LPP: variants seen among roughly 807,000 people sequenced by gnomAD.
LPP encodes LIM domain containing preferred translocation partner in lipoma.
LPP carries 38 observed loss-of-function variants against 60.4 expected under a neutral mutation model. The observed-to-expected ratio is 0.63, with a 90% CI of 0.49 to 0.83. LPP has a LOEUF of 0.83. Ranked by LOEUF, LPP falls within the 40% of genes least tolerant of loss-of-function variation. The pLI, the probability that LPP is intolerant of heterozygous loss-of-function variation, is 0.00. For missense variants in LPP, 902 were observed against 783.6 expected, an observed-to-expected ratio of 1.15 and a Z score of -1.80; for synonymous variants, 328 against 290.8, an observed-to-expected ratio of 1.13 and a Z score of -1.30.
chr3:188,250,832 CTTTCT>C (rs1203608819), intron 2 of LPP, among the ~76,000 whole-genome samples: 1 of 138,606 alleles, frequency 7.2e-6, no homozygotes, highest in African/African-American at 2.7e-5. Context: ...CTTTTTCTTT[CTTTCT>C]TTTCTTTTTC....
intron 2 of LPP, among the ~76,000 whole-genome samples, chr3:188,300,405 G>C (rs1010034969): frequency 1.3e-4 from 19 of 149,022 alleles, no homozygotes. Flanking sequence ...AGGGTTAGCT[G>C]CTTACCAAGA....
In LPP at chr3:188,422,804, G is replaced by C. The variant is rs552657129; in HGVS notation, c.193+16491G>C. Among the ~76,000 whole-genome samples, 3 of 152,094 alleles carry C rather than the reference G, an allele frequency of 2.0e-5. No homozygotes were observed. The East Asian group carries it at 5.8e-4, about 29-fold the overall frequency. On this transcript the variant is annotated intron_variant, in intron 4 of 11. Coordinates refer to ENST00000617246, the MANE Select transcript of LPP (RefSeq NM_001375462.1). ...TGCACATCTTTGAACTTGAACTACT[G>C]TATTACAGCCAGTGTTCTAACCTAT...
At chr3:188,719,777 T>G (rs1459958254) in intron 8 of LPP, among the ~76,000 whole-genome samples, 4 of 152,200 alleles carry the variant, frequency 2.6e-5, no homozygotes, top group Non-Finnish European at 5.9e-5. Flanking sequence ...CCACTTTCTC[T>G]AAAACACACA....
Position 188,877,600 on chromosome 3 carries a change from A to G in LPP, c.*3121A>G, listed in dbSNP as rs1385118022. On this transcript the variant is annotated 3_prime_UTR_variant, in exon 12 of 12. Transcript: ENST00000617246. Reference sequence around the variant, plus strand: ...GTGACTCACACTTGTAATCCCAGCAATTTGGGAGGCTGAGACAGGAGGATT... The same window carrying G: ...GTGACTCACACTTGTAATCCCAGCAGTTTGGGAGGCTGAGACAGGAGGATT... 1 of 187,290 alleles carries G rather than the reference A, an allele frequency of 5.3e-6. No individual in the cohort carries two copies. Among genetic ancestry groups the G allele is most frequent in the African/African-American group, 2.3e-5 (1 of 42,754 alleles). 11.6% of individuals were successfully genotyped at this position (187,290 alleles called of 1,614,324 possible).
In LPP at chr3:188,889,930, GA is replaced by G; in HGVS notation, c.*15455del. Reference sequence around the variant, plus strand: ...TTTAGAGGATCAGATTTTAGCGCTGGAAAATGAGTTCAAAAATTTCAGTGTA... The same window carrying G: ...TTTAGAGGATCAGATTTTAGCGCTGGAAATGAGTTCAAAAATTTCAGTGTA... On this transcript the variant is annotated 3_prime_UTR_variant, in exon 12 of 12. Transcript: ENST00000617246. 9.4e-6 allele frequency: 2 copies of G among 212,030 alleles called. No homozygotes were observed. The highest frequency in any genetic ancestry group is 1.9e-5 in the Non-Finnish European group (2 of 104,660). The allele number at this position is 212,030 out of a possible 1,614,324, so 13.1% of individuals were successfully genotyped here. A position where few individuals can be genotyped will look rare whatever the true frequency, so the allele number is the denominator to read the frequency against.
chr3:188,363,569 T>C (rs1167899471), intron 3 of LPP, among the ~76,000 whole-genome samples: 5 of 152,174 alleles, frequency 3.3e-5, no homozygotes, highest in Non-Finnish European at 7.4e-5. Flanking sequence ...CTTTACGTCT[T>C]TGGTCTCTTT....
intron 5 of LPP, among the ~76,000 whole-genome samples, chr3:188,517,930 A>G (rs564605576): frequency 6.6e-6 from 1 of 152,252 alleles, no homozygotes; most frequent in South Asian, 2.1e-4. Context: ...CTGTTAGTTC[A>G]TAGGACAGCT....
chr3:188,171,327 C>G (rs908833962), intron 1 of LPP, among the ~76,000 whole-genome samples: 1 of 152,224 alleles, frequency 6.6e-6, no homozygotes, highest in Admixed American at 6.5e-5. Context: ...CTCTTCCATC[C>G]TGACTGCTTC....
At chr3:188,504,279 GCTT>G (rs953086438) in intron 5 of LPP, among the ~76,000 whole-genome samples, 4 of 151,768 alleles carry the variant, frequency 2.6e-5, no homozygotes, top group Admixed American at 6.6e-5. Flanking sequence ...TTCCACAATT[GCTT>G]TTTTTTCTTT....
intron 5 of LPP, among the ~76,000 whole-genome samples, chr3:188,506,892 G>A (rs1179017265): frequency 1.3e-5 from 2 of 152,028 alleles, no homozygotes; most frequent in African/African-American, 4.8e-5. Context: ...CCGCCTCCCG[G>A]GTTCACGCCA....
chr3:188,744,486 C>A (rs1435950879), intron 8 of LPP, among the ~76,000 whole-genome samples: 1 of 152,132 alleles, frequency 6.6e-6, no homozygotes, highest in Admixed American at 6.6e-5. Context: ...TCTTTAACAT[C>A]AAGCAAACTA....
intron 7 of LPP, among the ~76,000 whole-genome samples, chr3:188,694,420 C>T (rs896804068): frequency 1.1e-4 from 17 of 152,028 alleles, no homozygotes; most frequent in African/African-American, 3.4e-4. Flanking sequence ...ATGACCATGT[C>T]GGCCGGGCAT....
chr3:188,485,709 A>G (rs959280291), intron 5 of LPP, among the ~76,000 whole-genome samples: 1 of 146,980 alleles, frequency 6.8e-6, no homozygotes, highest in Non-Finnish European at 1.5e-5. Flanking sequence ...AGGCAGGAGA[A>G]TGGCGTGAAC....
At chr3:188,724,180 G>A (rs1717511244) in intron 8 of LPP, among the ~76,000 whole-genome samples, 1 of 152,112 alleles carries the variant, frequency 6.6e-6, no homozygotes, top group East Asian at 1.9e-4. Context: ...TTTTTACAAT[G>A]AGAAAGCTGA....
intron 6 of LPP, among the ~76,000 whole-genome samples, chr3:188,554,501 A>G (rs1828997923): frequency 6.6e-6 from 1 of 152,206 alleles, no homozygotes; most frequent in African/African-American, 2.4e-5. Context: ...GAGAACCCAT[A>G]GAGTTGAAGC....
intron 5 of LPP, among the ~76,000 whole-genome samples, chr3:188,517,672 G>A (rs1415924506): frequency 1.3e-5 from 2 of 152,124 alleles, no homozygotes; most frequent in African/African-American, 4.8e-5. Context: ...CATGGCGGTG[G>A]TAAGAGAAAA....
chr3:188,483,535 G>A (rs1444852291), intron 4 of LPP, among the ~76,000 whole-genome samples: 2 of 152,092 alleles, frequency 1.3e-5, no homozygotes, highest in African/African-American at 4.8e-5. Flanking sequence ...TAAAGAACAG[G>A]TTAAAAGGTA....
At chr3:188,507,089 G>A (rs1432854581) in intron 5 of LPP, among the ~76,000 whole-genome samples, 3 of 152,060 alleles carry the variant, frequency 2.0e-5, no homozygotes, top group Non-Finnish European at 2.9e-5. Flanking sequence ...GAGCCACCAC[G>A]CCCGGCCCAT....
At chr3:188,847,461 G>A (rs955972127) in intron 9 of LPP, among the ~76,000 whole-genome samples, 1 of 152,240 alleles carries the variant, frequency 6.6e-6, no homozygotes, top group Non-Finnish European at 1.5e-5. Context: ...CAGAAACCCA[G>A]AAAGAAGAGA....
Sources: gnomAD v4.1 joint callset for allele counts (sites outside exome capture counted in the v4.1 genomes callset) on GRCh38, gnomAD v4.1.1 for gene constraint, MANE v1.5 for transcripts, NCBI Gene and HGNC (gene_info 2026-07-23, HGNC 2026-07-21) for gene names.